The following CPEB3 variants were observed in gnomAD, a reference collection of about 807,000 sequenced individuals.
CPEB3 encodes cytoplasmic polyadenylation element-binding protein 3.
A neutral mutation model predicts 67.2 loss-of-function variants in CPEB3; 20 were observed. The observed-to-expected ratio is 0.30, with a 90% CI of 0.21 to 0.43. The LOEUF is 0.43. CPEB3 is among the 20% of genes least tolerant of loss of function. CPEB3 has a pLI of 1.00. For missense variants in CPEB3, 746 were observed against 968.6 expected (o/e 0.77, Z 3.05); for synonymous variants, 376 against 393.1 (o/e 0.96, Z 0.51).
intron 9 of CPEB3, among the ~76,000 whole-genome samples, chr10:92,073,102 A>G (rs188788400): frequency 9.1e-4 from 123 of 135,034 alleles, no homozygotes; most frequent in African/African-American, 2.7e-3. Context: ...GGCAGGTACA[A>G]TCGTAGCTCA....
rs138891838 is a variant in CPEB3 at position 92,267,298 on chromosome 10, A to T, written c.-12+23628T>A. On this transcript the variant is annotated intron_variant, in intron 1 of 9. Transcript: ENST00000265997. ...CTTGTTGTTTTACAACCCTTTAAAAATATAAAAACCATTCTTAGTTTTGGC... is the reference window on the plus strand; with the variant it reads ...CTTGTTGTTTTACAACCCTTTAAAATTATAAAAACCATTCTTAGTTTTGGC... Among the ~76,000 whole-genome samples, 4 of 152,296 alleles carry T rather than the reference A, an allele frequency of 2.6e-5. No homozygotes were observed. In the East Asian group the frequency reaches 7.7e-4, roughly 29 times the overall value.
chr10:92,241,346 CAG>C (rs1453628446), intron 1 of CPEB3, among the ~76,000 whole-genome samples: 4 of 152,212 alleles, frequency 2.6e-5, no homozygotes, highest in South Asian at 2.1e-4. Flanking sequence ...AAAAAACCCT[CAG>C]AGATTTAAGT....
At position 92,051,483 on chromosome 10, in the gene CPEB3, T is replaced by C. The variant is rs535123408; in HGVS notation, c.*729A>G. On this transcript the variant is annotated 3_prime_UTR_variant, in exon 10 of 10. Coordinates refer to ENST00000265997, the MANE Select transcript of CPEB3 (RefSeq NM_014912.5). Reference sequence around the variant, plus strand: ...TGTTTAATTGATATCCTAGCCTGAATAGAGTATTATGGTATTAATAATACC... The same window carrying C: ...TGTTTAATTGATATCCTAGCCTGAACAGAGTATTATGGTATTAATAATACC... The C allele has an allele frequency of 8.5e-5, 13 of 152,676 alleles. No homozygotes were observed. The highest frequency in any genetic ancestry group is 2.9e-4 in the African/African-American group (12 of 41,568). 9.5% of individuals were successfully genotyped at this position (152,676 alleles called of 1,614,324 possible).
intron 4 of CPEB3, among the ~76,000 whole-genome samples, chr10:92,169,844 C>T (rs1218386696): frequency 2.6e-5 from 4 of 152,148 alleles, no homozygotes; most frequent in African/African-American, 9.7e-5. Context: ...AATCATTTTC[C>T]ATATTCCATA....
chr10:92,147,108 C>T (rs1846723333), intron 4 of CPEB3, among the ~76,000 whole-genome samples: 1 of 152,096 alleles, frequency 6.6e-6, no homozygotes, highest in South Asian at 2.1e-4. Context: ...ATAATGCGTA[C>T]GTTATGCTTT....
chr10:92,146,180 A>G lies in CPEB3; in HGVS notation c.1223-1095T>C, dbSNP rs182219528. On this transcript the variant is annotated intron_variant, in intron 4 of 9. Coordinates refer to ENST00000265997, the MANE Select transcript of CPEB3 (RefSeq NM_014912.5). ...CAAATAAAGTTTGTAGAGCAAAAGT[A>G]TCTACCCAATCCACATGACTATAAG... Among the ~76,000 whole-genome samples the G allele has an allele frequency of 4.3e-3, 658 of 152,340 alleles. 5 individuals are homozygous for G. Among genetic ancestry groups the G allele is most frequent in the Middle Eastern group, 0.02 (6 of 294 alleles).
intron 2 of CPEB3, among the ~76,000 whole-genome samples, chr10:92,195,928 A>C (rs1191243002): frequency 6.6e-6 from 1 of 152,238 alleles, no homozygotes; most frequent in Non-Finnish European, 1.5e-5. Flanking sequence ...CTAACTGCAC[A>C]TTACAATGTT....
At chr10:92,283,429 C>T (rs896724149) in intron 1 of CPEB3, among the ~76,000 whole-genome samples, 4 of 152,152 alleles carry the variant, frequency 2.6e-5, no homozygotes, top group South Asian at 2.1e-4. Context: ...TCCCCACTTC[C>T]GCTGGAGATG....
intron 4 of CPEB3, among the ~76,000 whole-genome samples, chr10:92,176,333 C>T (rs1848218919): frequency 6.6e-6 from 1 of 152,192 alleles, no homozygotes; most frequent in Non-Finnish European, 1.5e-5. Flanking sequence ...ATATATATAA[C>T]CACTTTCCTG....
intron 9 of CPEB3, among the ~76,000 whole-genome samples, chr10:92,079,484 A>G (rs1843058301): frequency 6.6e-6 from 1 of 152,202 alleles, no homozygotes; most frequent in Non-Finnish European, 1.5e-5. Flanking sequence ...CTTAAAAACC[A>G]GGAATGGAGT....
intron 1 of CPEB3, among the ~76,000 whole-genome samples, chr10:92,250,110 C>G (rs1174460144): frequency 2.0e-5 from 3 of 151,304 alleles, no homozygotes; most frequent in Non-Finnish European, 4.4e-5. Flanking sequence ...TCTTTTGAGA[C>G]AGAGTCTTGC....
At chr10:92,259,256 C>G (rs985156087) in intron 1 of CPEB3, among the ~76,000 whole-genome samples, 1 of 151,934 alleles carries the variant, frequency 6.6e-6, no homozygotes, top group Admixed American at 6.6e-5. Context: ...AGCCGCCACA[C>G]CCAGCCATTC....
chr10:92,134,206 A>G (rs1163638629), intron 6 of CPEB3, among the ~76,000 whole-genome samples: 2 of 152,222 alleles, frequency 1.3e-5, no homozygotes, highest in Non-Finnish European at 2.9e-5. Flanking sequence ...GTATTCAATT[A>G]GGAAAAGAGG....
chr10:92,271,402 G>A (rs1853302300), intron 1 of CPEB3, among the ~76,000 whole-genome samples: 1 of 152,204 alleles, frequency 6.6e-6, no homozygotes, highest in African/African-American at 2.4e-5. Context: ...TCCCACCCAA[G>A]AATCCAATTC....
chr10:92,112,495 G>C (rs957004671), intron 6 of CPEB3, among the ~76,000 whole-genome samples: 2 of 152,170 alleles, frequency 1.3e-5, no homozygotes, highest in African/African-American at 2.4e-5. Context: ...CAAACATTTA[G>C]ACAATTAACT....
intron 4 of CPEB3, among the ~76,000 whole-genome samples, chr10:92,163,985 ATCT>A (rs1469381653): frequency 2.0e-5 from 3 of 152,176 alleles, no homozygotes; most frequent in Admixed American, 1.3e-4. Flanking sequence ...TCTCAGAAAA[ATCT>A]TCTTTCCATT....
At chr10:92,286,576 CTCTA>C (rs1436116478) in intron 1 of CPEB3, among the ~76,000 whole-genome samples, 4 of 144,110 alleles carry the variant, frequency 2.8e-5, no homozygotes, top group Non-Finnish European at 6.0e-5. Context: ...CAGAGCAAGA[CTCTA>C]TCTAAAAAAA....
chr10:92,217,149 G>C (rs1157055429), intron 2 of CPEB3, among the ~76,000 whole-genome samples: 2 of 134,854 alleles, frequency 1.5e-5, no homozygotes, highest in African/African-American at 5.8e-5. Context: ...CGGAGGTTAC[G>C]GTCAGCCAAG....
chr10:92,227,193 G>A (rs1486185878), intron 2 of CPEB3, among the ~76,000 whole-genome samples: 1 of 152,186 alleles, frequency 6.6e-6, no homozygotes, highest in East Asian at 1.9e-4. Flanking sequence ...TAGGGAGAGC[G>A]GAGGAGAGTT....
Sources: allele counts gnomAD v4.1 joint callset (sites outside exome capture counted in the v4.1 genomes callset), GRCh38; gene constraint gnomAD v4.1.1; transcripts MANE v1.5; gene names NCBI Gene and HGNC (gene_info 2026-07-23, HGNC 2026-07-21).